ARHGAP31: variants seen among roughly 807,000 people sequenced by gnomAD.
ARHGAP31 encodes the protein Rho GTPase activating protein 31.
In ARHGAP31, 34 loss-of-function variants were observed where a neutral mutation model predicts 113.9. The observed-to-expected ratio is 0.30, with a 90% confidence interval of 0.23 to 0.40. ARHGAP31 has a LOEUF of 0.40. Ranked by LOEUF, ARHGAP31 falls within the 10% of genes least tolerant of loss-of-function variation. The pLI is 1.00. For missense variants in ARHGAP31, 1,548 were observed against 1,767.1 expected, an observed-to-expected ratio of 0.88 and a Z score of 2.22; for synonymous variants, 650 against 684.8, an observed-to-expected ratio of 0.95 and a Z score of 0.79.
At chr3:119,355,607 G>A (rs1320282178) in intron 1 of ARHGAP31, among the ~76,000 whole-genome samples, 1 of 151,866 alleles carries the variant, frequency 6.6e-6, no homozygotes, top group African/African-American at 2.4e-5. Context: ...ATTTGCATTA[G>A]GTATATCTCT....
At chr3:119,358,186 A>C (rs903555642) in intron 1 of ARHGAP31, among the ~76,000 whole-genome samples, 1 of 152,246 alleles carries the variant, frequency 6.6e-6, no homozygotes, top group African/African-American at 2.4e-5. Context: ...CACCCAACTA[A>C]AAATGGACAA....
intron 3 of ARHGAP31, among the ~76,000 whole-genome samples, chr3:119,375,347 G>T (rs965083140): frequency 3.3e-5 from 5 of 152,138 alleles, no homozygotes; most frequent in African/African-American, 1.2e-4. Flanking sequence ...ACGTTCCTTG[G>T]ATTGTTGGTG....
intron 4 of ARHGAP31, among the ~76,000 whole-genome samples, chr3:119,381,935 G>C (rs966987907): frequency 2.0e-5 from 3 of 147,572 alleles, no homozygotes; most frequent in African/African-American, 7.6e-5. Context: ...GCAGTGAGCT[G>C]AGATCGCGCC....
In ARHGAP31 at chr3:119,415,272, A is replaced by T. The variant is rs12107254; in HGVS notation, c.3343A>T (p.Ile1115Phe). ...CCTCAACTTGGACCCTGCCATTCCCATTGCTGACCTCTTCTGGTTTGAGAA... is the reference window on the plus strand; with the variant it reads ...CCTCAACTTGGACCCTGCCATTCCCTTTGCTGACCTCTTCTGGTTTGAGAA... ...SSLNLDPAIP[I>F]ADLFWFENVA... Residue 1115 changes from isoleucine (I) to phenylalanine (F), a missense_variant, in exon 12 of 12, where the codon ATT (isoleucine) becomes TTT (phenylalanine). By Grantham distance (21) the Ile-to-Phe change is conservative (BLOSUM62 0). Coordinates refer to ENST00000264245, the MANE Select transcript of ARHGAP31 (RefSeq NM_020754.4). 2.5e-6 allele frequency: 4 copies of T among 1,614,128 alleles called. No homozygotes were observed. The South Asian group carries it at 3.3e-5, about 13-fold the overall frequency.
At chr3:119,303,152 A>G (rs1298804749) in intron 1 of ARHGAP31, among the ~76,000 whole-genome samples, 1 of 152,218 alleles carries the variant, frequency 6.6e-6, no homozygotes, top group Non-Finnish European at 1.5e-5. Flanking sequence ...CTGGTAGCTC[A>G]CTGTGGCTCT....
chr3:119,313,557 T>C (rs753187344), intron 1 of ARHGAP31, among the ~76,000 whole-genome samples: 15 of 152,220 alleles, frequency 9.9e-5, no homozygotes, highest in Non-Finnish European at 1.9e-4. Flanking sequence ...CTAATTATAG[T>C]TTAAACTTGT....
intron 1 of ARHGAP31, among the ~76,000 whole-genome samples, chr3:119,352,728 G>A (rs1410176463): frequency 6.6e-6 from 1 of 152,198 alleles, no homozygotes; most frequent in East Asian, 1.9e-4. Context: ...TATTCTACAG[G>A]CAATGGGAAG....
intron 1 of ARHGAP31, among the ~76,000 whole-genome samples, chr3:119,331,965 T>C (rs1436851153): frequency 6.6e-6 from 1 of 152,162 alleles, no homozygotes. Flanking sequence ...TCCTTTCTAC[T>C]ACTGAGCTGA....
At chr3:119,401,765 G>A in intron 9 of ARHGAP31, 57 bp from the exon 10 acceptor site, 9 of 1,543,356 alleles carry the variant, frequency 5.8e-6, no homozygotes, top group Non-Finnish European at 7.1e-6. Flanking sequence ...TTACTGGAAG[G>A]CCTGCTATTG....
chr3:119,409,597 C>T lies in ARHGAP31; in HGVS notation c.1747C>T (p.His583Tyr). 1.2e-6 allele frequency: 2 copies of T among 1,614,054 alleles called. No individual in the cohort carries two copies. Among genetic ancestry groups the T allele is most frequent in the Non-Finnish European group, 1.7e-6 (2 of 1,179,968 alleles). ...AGGCCTGTCCCAGGAGCCAGGCGCC[C>T]ACCTGGAGGAGAAGAAAACCCCAGA... The part of the protein sequence containing the change: ...SKGLSQEPGA[H>Y]LEEKKTPESS... The change falls in exon 11 of 12, where the codon CAC (histidine) becomes TAC (tyrosine). Residue 583 changes from histidine (H) to tyrosine (Y), a missense_variant. Coordinates refer to ENST00000264245, the MANE Select transcript of ARHGAP31 (RefSeq NM_020754.4).
intron 1 of ARHGAP31, among the ~76,000 whole-genome samples, chr3:119,337,118 G>T (rs1209886317): frequency 1.3e-5 from 2 of 152,150 alleles, no homozygotes; most frequent in Admixed American, 6.5e-5. Flanking sequence ...GTCCAGAATT[G>T]GTGAGCTCTT....
At chr3:119,398,427 C>T (rs111964350) in intron 8 of ARHGAP31, among the ~76,000 whole-genome samples, 96 of 152,258 alleles carry the variant, frequency 6.3e-4, no homozygotes, top group African/African-American at 2.0e-3. Context: ...TTCCAAGTGC[C>T]CTCTTTCCCC....
At chr3:119,394,783 C>G (rs528845643) in intron 8 of ARHGAP31, among the ~76,000 whole-genome samples, 1 of 152,172 alleles carries the variant, frequency 6.6e-6, no homozygotes, top group Non-Finnish European at 1.5e-5. Flanking sequence ...AGCAAAACCA[C>G]ATCTCTAAAA....
intron 3 of ARHGAP31, among the ~76,000 whole-genome samples, chr3:119,376,965 A>G (rs17203069): frequency 0.2 from 29,761 of 152,172 alleles, 3,356 homozygotes; most frequent in Admixed American, 0.26. Flanking sequence ...TGGTCATCCT[A>G]CTGGGAGCCC....
chr3:119,352,855 C>T (rs2080122025), intron 1 of ARHGAP31, among the ~76,000 whole-genome samples: 1 of 152,148 alleles, frequency 6.6e-6, no homozygotes, highest in Admixed American at 6.5e-5. Flanking sequence ...GTAAAAATGC[C>T]CCCAAGTTCC....
intron 1 of ARHGAP31, among the ~76,000 whole-genome samples, chr3:119,317,815 G>T (rs1426887748): frequency 6.6e-6 from 1 of 152,146 alleles, no homozygotes; most frequent in Non-Finnish European, 1.5e-5. Flanking sequence ...GTGACATGGG[G>T]TAAGATTATT....
chr3:119,388,315 T>C (rs867399944), intron 6 of ARHGAP31, among the ~76,000 whole-genome samples: 1,773 of 148,688 alleles, frequency 0.012, 70 homozygotes, highest in African/African-American at 0.04. Flanking sequence ...TTTTTATATA[T>C]ATATATATAT....
At chr3:119,397,360 C>T (rs189494387) in intron 8 of ARHGAP31, among the ~76,000 whole-genome samples, 71 of 152,266 alleles carry the variant, frequency 4.7e-4, no homozygotes, top group Admixed American at 3.3e-3. Context: ...CAGTCAGGGG[C>T]GCCTGGTCAC....
At chr3:119,366,252 T>C (rs2080251582) in intron 2 of ARHGAP31, among the ~76,000 whole-genome samples, 1 of 151,614 alleles carries the variant, frequency 6.6e-6, no homozygotes, top group Admixed American at 6.6e-5. Flanking sequence ...TTATATGTTC[T>C]TTAGTTATAA....
Sources: gnomAD v4.1 joint callset for allele counts (sites outside exome capture counted in the v4.1 genomes callset) on GRCh38, gnomAD v4.1.1 for gene constraint, MANE v1.5 for transcripts, NCBI Gene and HGNC (gene_info 2026-07-23, HGNC 2026-07-21) for gene names.